The following ZNF141 variants were observed in gnomAD, a reference collection of about 807,000 sequenced individuals.
ZNF141 encodes zinc finger protein 141.
In ZNF141, 7 loss-of-function variants were observed where a neutral mutation model predicts 11.3. The observed-to-expected ratio is 0.62, with a 90% CI of 0.35 to 1.16. ZNF141 has a LOEUF of 1.16. ZNF141 is among the 50% of genes most tolerant of loss of function. The pLI, the probability that ZNF141 is intolerant of heterozygous loss-of-function variation, is 0.02. For synonymous variants in ZNF141, 183 were observed against 190.7 expected (o/e 0.96, Z 0.33); for missense variants, 535 against 554.0 (o/e 0.97, Z 0.34).
chr4:358,344 C>G, intron 3 of ZNF141: 1 of 336,076 alleles, frequency 3.0e-6, no homozygotes, highest in Non-Finnish European at 5.7e-6. Context: ...AGCCACCACA[C>G]CTGGCTAATT....
chr4:371,298 C>G lies in ZNF141; in HGVS notation c.227-1366C>G, dbSNP rs773812815. 2.9e-4 allele frequency among the ~76,000 whole-genome samples: 43 copies of G among 150,018 alleles called. 1 individual carries two copies. Among genetic ancestry groups the G allele is most frequent in the Non-Finnish European group, 5.6e-4 (38 of 67,688 alleles). Reference sequence around the variant, plus strand: ...CCAGGCTGGAGTGCAATGGTGCAATCTTGGCTCACTGCAACCTCCACCTCC... The same window carrying G: ...CCAGGCTGGAGTGCAATGGTGCAATGTTGGCTCACTGCAACCTCCACCTCC... On this transcript the variant is annotated intron_variant, in intron 3 of 3. Transcript: ENST00000240499.
At chr4:368,167 A>G (rs1432982445) in intron 3 of ZNF141, among the ~76,000 whole-genome samples, 1 of 152,182 alleles carries the variant, frequency 6.6e-6, no homozygotes, top group Admixed American at 6.5e-5. Context: ...ACACAGTGCC[A>G]TCAACATTTA....
In ZNF141 at chr4:375,976, A is replaced by G. The variant is rs1553854557; in HGVS notation, c.*2114A>G. The stretch of plus-strand genomic sequence containing the variant: ...TCAGAGTAATATTCTTCTGCATTAT[A>G]GTGAGAGAAAATCTGTTTTAGTAGT... On this transcript the variant is annotated 3_prime_UTR_variant, in exon 4 of 4. Transcript: ENST00000240499. 6.6e-6 allele frequency among the ~76,000 whole-genome samples: 1 copy of G among 152,078 alleles called. No homozygotes were observed. The highest frequency in any genetic ancestry group is 1.9e-4 in the East Asian group (1 of 5,206).
intron 3 of ZNF141, among the ~76,000 whole-genome samples, chr4:349,552 G>T (rs565969351): frequency 6.6e-6 from 1 of 152,238 alleles, no homozygotes; most frequent in African/African-American, 2.4e-5. Flanking sequence ...CCCGGCTGTG[G>T]TCTCTGAAGC....
At chr4:346,893 A>ACACACACACACACCC (rs373224939) in intron 3 of ZNF141, among the ~76,000 whole-genome samples, 2 of 135,438 alleles carry the variant, frequency 1.5e-5, no homozygotes, top group African/African-American at 6.4e-5. Flanking sequence ...ACACACACAC[A>ACACACACACACACCC]CCGCCCCCCC....
chr4:364,019 C>G (rs1463941078), intron 3 of ZNF141, among the ~76,000 whole-genome samples: 1 of 152,120 alleles, frequency 6.6e-6, no homozygotes, highest in Non-Finnish European at 1.5e-5. Flanking sequence ...GTTGAACCAG[C>G]CTTGCATCCC....
rs559731752 is a variant in ZNF141, at chr4:347,171, G to A, written c.226+2741G>A. ...TCCTGCCTCAGCCTCCGAAGTAGCT[G>A]GAATTACAGGCATGTACCACCATGC... On this transcript the variant is annotated intron_variant, in intron 3 of 3. Coordinates refer to ENST00000240499, the MANE Select transcript of ZNF141 (RefSeq NM_003441.4). Among the ~76,000 whole-genome samples, 6 of 150,978 alleles carry A rather than the reference G, an allele frequency of 4.0e-5. No homozygotes were observed. The East Asian group carries it at 9.7e-4, about 25-fold the overall frequency.
At position 380,642 on chromosome 4, in the gene ZNF141, A is replaced by C. The variant is rs1366737494; in HGVS notation, c.*6780A>C. Among the ~76,000 whole-genome samples, 1 of 144,452 alleles carries C rather than the reference A, an allele frequency of 6.9e-6. No homozygotes were observed. Among genetic ancestry groups the C allele is most frequent in the Non-Finnish European group, 1.5e-5 (1 of 67,036 alleles). 94.8% of individuals were successfully genotyped at this position (144,452 alleles called of 152,430 possible). A position where few individuals can be genotyped will look rare whatever the true frequency, so the allele number is the denominator to read the frequency against. ...ACTCCAGCCTGGGTGACAAGAGCAA[A>C]ACTCCATCCCCCCTGCCCAAAAAAA... On this transcript the variant is annotated 3_prime_UTR_variant, in exon 4 of 4. Coordinates refer to ENST00000240499, the MANE Select transcript of ZNF141 (RefSeq NM_003441.4).
rs1560192383 is a variant in ZNF141 at position 361,272 on chromosome 4, T to C, written c.227-11392T>C. On this transcript the variant is annotated intron_variant, in intron 3 of 3. Coordinates refer to ENST00000240499, the MANE Select transcript of ZNF141 (RefSeq NM_003441.4). Reference sequence around the variant, plus strand: ...CATTTTACTTACTGTTTCTATACTTTTGGCTGATTTTTATATTTGTATCAC... The same window carrying C: ...CATTTTACTTACTGTTTCTATACTTCTGGCTGATTTTTATATTTGTATCAC... Among the ~76,000 whole-genome samples the C allele has an allele frequency of 4.6e-5, 7 of 152,006 alleles. No individual in the cohort carries two copies. The South Asian group carries it at 1.2e-3, about 27-fold the overall frequency.
intron 3 of ZNF141, among the ~76,000 whole-genome samples, chr4:369,756 ATATATATATTTTT>A (rs1250695621): frequency 5.7e-5 from 2 of 35,360 alleles, no homozygotes; most frequent in South Asian, 8.8e-4. Context: ...ATATATATAT[ATATATATATTTTT>A]TTTTTTTTTT....
Position 378,470 on chromosome 4 carries a change from A to G in ZNF141, c.*4608A>G, listed in dbSNP as rs1712469330. Among the ~76,000 whole-genome samples, 1 of 152,130 alleles carries G rather than the reference A, an allele frequency of 6.6e-6. No individual in the cohort carries two copies. Among genetic ancestry groups the G allele is most frequent in the South Asian group, 2.1e-4 (1 of 4,818 alleles). Reference sequence around the variant, plus strand: ...TTTTTAGTAGAGATGGGGTTTCACCATGTTGGCCAGGATGGTCTCGATCTT... The same window carrying G: ...TTTTTAGTAGAGATGGGGTTTCACCGTGTTGGCCAGGATGGTCTCGATCTT... On this transcript the variant is annotated 3_prime_UTR_variant, in exon 4 of 4. Transcript: ENST00000240499.
At chr4:362,176 CT>C (rs1382296319) in intron 3 of ZNF141, among the ~76,000 whole-genome samples, 1 of 152,180 alleles carries the variant, frequency 6.6e-6, no homozygotes, top group East Asian at 1.9e-4. Flanking sequence ...TAAATGTCTT[CT>C]TTTGAGAAGT....
chr4:343,996 T>G, intron 2 of ZNF141, 88 bp downstream of exon 2: 1 of 1,518,594 alleles, frequency 6.6e-7, no homozygotes, highest in South Asian at 1.3e-5. Flanking sequence ...ACTTTTATGT[T>G]TTATCTTTAC....
chr4:338,893 G>T (rs1186598805), intron 1 of ZNF141, among the ~76,000 whole-genome samples: 1 of 152,204 alleles, frequency 6.6e-6, no homozygotes, highest in African/African-American at 2.4e-5. Context: ...TGGGCTGGAG[G>T]GAGTCGCAGG....
At chr4:369,764 A>ATATTTTTTTTTTTTTTTTTTTTTTTT in intron 3 of ZNF141, among the ~76,000 whole-genome samples, 1 of 48,742 alleles carries the variant, frequency 2.1e-5, no homozygotes, top group African/African-American at 1.7e-4. Context: ...ATATATATAT[A>ATATTTTTTTTTTTTTTTTTTTTTTTT]TTTTTTTTTT....
rs782423048 is a variant in ZNF141 at position 375,816 on chromosome 4, C to T, written c.*1954C>T. Among the ~76,000 whole-genome samples the T allele has an allele frequency of 1.3e-5, 2 of 151,934 alleles. No individual in the cohort carries two copies. Among genetic ancestry groups the T allele is most frequent in the African/African-American group, 2.4e-5 (1 of 41,376 alleles). On this transcript the variant is annotated 3_prime_UTR_variant, in exon 4 of 4. Transcript: ENST00000240499. ...TGCTGCATCAGAGATAAGAGAGATTCTTTTTCATTAGGTGGGCATTATTTG... is the reference window on the plus strand; with the variant it reads ...TGCTGCATCAGAGATAAGAGAGATTTTTTTTCATTAGGTGGGCATTATTTG...
rs2108657426 is a variant in ZNF141 at position 375,352 on chromosome 4, A to G, written c.*1490A>G. 6.6e-6 allele frequency: 1 copy of G among 152,224 alleles called. No individual in the cohort carries two copies. The highest frequency in any genetic ancestry group is 1.5e-5 in the Non-Finnish European group (1 of 67,944). 9.4% of individuals were successfully genotyped at this position (152,224 alleles called of 1,614,324 possible). On this transcript the variant is annotated 3_prime_UTR_variant, in exon 4 of 4. Transcript: ENST00000240499. ...AAAACACTGAAGGAGACTTTCTTCA[A>G]CATCAGAAAATTTATATTGGAGAGA...
rs1720868863 is a variant in ZNF141, at chr4:337,972, A to G, written c.-12A>G. 6.2e-7 allele frequency: 1 copy of G among 1,613,084 alleles called. No individual in the cohort carries two copies. Among genetic ancestry groups the G allele is most frequent in the Admixed American group, 1.7e-5 (1 of 59,980 alleles). ...GGTAGCTAAGACTCCCGAATACTTCAGAAGTGGGGAAATGGTGAGTGTGCG... is the reference window on the plus strand; with the variant it reads ...GGTAGCTAAGACTCCCGAATACTTCGGAAGTGGGGAAATGGTGAGTGTGCG... On this transcript the variant is annotated 5_prime_UTR_variant, in exon 1 of 4. Coordinates refer to ENST00000240499, the MANE Select transcript of ZNF141 (RefSeq NM_003441.4).
At chr4:342,978 C>A in intron 1 of ZNF141, 1 of 1,375,482 alleles carries the variant, frequency 7.3e-7, no homozygotes, top group Non-Finnish European at 1.0e-6. Context: ...TTTTTAAAAT[C>A]AGTTCCTTGC....
Sources: allele counts gnomAD v4.1 joint callset (sites outside exome capture counted in the v4.1 genomes callset), GRCh38; gene constraint gnomAD v4.1.1; transcripts MANE v1.5; gene names NCBI Gene and HGNC (gene_info 2026-07-23, HGNC 2026-07-21).